TENM1: variants seen among roughly 807,000 people sequenced by gnomAD.
TENM1 encodes teneurin transmembrane protein 1.
TENM1 carries 35 observed loss-of-function variants against 174.8 expected under a neutral mutation model. The observed-to-expected ratio is 0.20, with a 90% CI of 0.15 to 0.27. The LOEUF is 0.27. Ranked by LOEUF, TENM1 falls within the 10% of genes least tolerant of loss-of-function variation. The pLI is 1.00. For missense variants in TENM1, 1,633 were observed against 2,130.1 expected (o/e 0.77, Z 4.59); for synonymous variants, 781 against 798.7 (o/e 0.98, Z 0.37).
At chrX:124,853,137 A>C (rs10127025) in intron 3 of TENM1, among the ~76,000 whole-genome samples, 4,830 of 111,800 alleles carry the variant, frequency 0.043, 244 homozygotes, top group African/African-American at 0.15. Context: ...AAGGCAGATA[A>C]TTAATAAGAA....
At chrX:125,055,282 C>T in the TENM1 span, among the ~76,000 whole-genome samples, 1 of 111,427 alleles carries the variant, frequency 9.0e-6, no homozygotes, top group Non-Finnish European at 1.9e-5. Flanking sequence ...ACTTGCACCA[C>T]GTCTTGCGGC....
At position 124,481,888 on chromosome X, in the gene TENM1, G is replaced by A. The variant is rs1302910425; in HGVS notation, c.3793C>T (p.Arg1265Cys). 3 of 1,206,339 alleles carry A rather than the reference G, an allele frequency of 2.5e-6. No individual in the cohort carries two copies. The highest frequency in any genetic ancestry group is 3.0e-5 in the East Asian group (1 of 33,740). Residue 1265 changes from arginine to cysteine, a missense_variant, in exon 22 of 32, where the codon CGC becomes TGC. By Grantham distance (180) the Arg-to-Cys change is radical (BLOSUM62 -3). Around this residue, in one of 4 missense-constraint regions of TENM1, gnomAD observed 72 missense variants for 59.4 expected, o/e 1.21. Transcript: ENST00000422452. ...AGAGATTTCAACTTGTAGACTTTGC[G>A]AGTATTGGTGTCTGATAGATAGAGT...
intron 6 of TENM1, among the ~76,000 whole-genome samples, chrX:124,662,228 G>A (rs1327386331): frequency 1.8e-5 from 2 of 110,327 alleles, no homozygotes; most frequent in Admixed American, 1.9e-4. Flanking sequence ...GCTGAGACGG[G>A]CGGATCACAA....
At chrX:124,720,442 T>TGAGTTGACCCACCCC (rs2053284960) in intron 4 of TENM1, among the ~76,000 whole-genome samples, 1 of 111,676 alleles carries the variant, frequency 9.0e-6, no homozygotes, top group Non-Finnish European at 1.9e-5. Flanking sequence ...CTCCCCACCT[T>TGAGTTGACCCACCCC]GAGTTGTCCC....
intron 3 of TENM1, among the ~76,000 whole-genome samples, chrX:124,799,023 G>T (rs898007693): frequency 1.8e-5 from 2 of 110,568 alleles, no homozygotes; most frequent in Non-Finnish European, 3.8e-5. Context: ...TATTTCTCAG[G>T]TCTCTGTTCT....
At chrX:124,630,925 T>C (rs1189002624) in intron 11 of TENM1, among the ~76,000 whole-genome samples, 1 of 112,066 alleles carries the variant, frequency 8.9e-6, no homozygotes, top group African/African-American at 3.2e-5. Flanking sequence ...GCCTAAAGAA[T>C]TGCAACATGA....
intron 1 of TENM1, among the ~76,000 whole-genome samples, chrX:124,929,156 G>A (rs1478811546): frequency 9.0e-6 from 1 of 111,418 alleles, no homozygotes; most frequent in East Asian, 2.8e-4. Context: ...GTTATAGGAT[G>A]AGTTCCAATT....
At chrX:125,178,526 A>G in the TENM1 span, among the ~76,000 whole-genome samples, 1 of 110,380 alleles carries the variant, frequency 9.1e-6, no homozygotes, top group African/African-American at 3.3e-5. Context: ...TCTGACCATT[A>G]CTGAAATAAG....
intron 3 of TENM1, among the ~76,000 whole-genome samples, chrX:124,868,727 C>T (rs1003536252): frequency 9.9e-5 from 11 of 111,100 alleles, no homozygotes; most frequent in Non-Finnish European, 5.7e-5. Flanking sequence ...CTGCAAACTA[C>T]TAATCTCCCA....
intron 19 of TENM1, among the ~76,000 whole-genome samples, chrX:124,502,660 T>A (rs2047359281): frequency 1.8e-5 from 2 of 110,930 alleles, no homozygotes; most frequent in African/African-American, 6.5e-5. Context: ...TCTTTGCTCT[T>A]AAAAAAAAAT....
intron 1 of TENM1, among the ~76,000 whole-genome samples, chrX:124,942,225 G>A (rs960788705): frequency 9.0e-6 from 1 of 111,454 alleles, no homozygotes; most frequent in Admixed American, 9.6e-5. Flanking sequence ...CTCCCTTTTA[G>A]AAAATTTGGA....
At chrX:125,076,635 G>A in the TENM1 span, among the ~76,000 whole-genome samples, 1 of 111,104 alleles carries the variant, frequency 9.0e-6, no homozygotes, top group African/African-American at 3.3e-5. Flanking sequence ...GGCAGTGTTT[G>A]GATTAGAATA....
intron 11 of TENM1, among the ~76,000 whole-genome samples, chrX:124,587,957 T>C (rs752120296): frequency 0.014 from 1,578 of 112,048 alleles, 30 homozygotes; most frequent in African/African-American, 0.048. Context: ...CATCACTGGC[T>C]ATCAGAGAAA....
chrX:124,423,280 G>A (rs1055960545), intron 23 of TENM1, among the ~76,000 whole-genome samples: 1 of 112,102 alleles, frequency 8.9e-6, no homozygotes, highest in Non-Finnish European at 1.9e-5. Context: ...GAATCCTGGG[G>A]TGTAGCACAC....
chrX:125,060,951 G>C, the TENM1 span, among the ~76,000 whole-genome samples: 51 of 109,769 alleles, frequency 4.6e-4, 1 homozygote, highest in Non-Finnish European at 1.3e-4. Context: ...GAGTCGACCT[G>C]TTTATCCTCC....
intron 6 of TENM1, among the ~76,000 whole-genome samples, chrX:124,663,762 T>TC (rs2051671406): frequency 9.1e-6 from 1 of 109,992 alleles, no homozygotes; most frequent in East Asian, 2.8e-4. Flanking sequence ...TTTTTTTTTT[T>TC]TTTTTTAAGT....
At chrX:124,549,648 T>G (rs922051806) in intron 14 of TENM1, among the ~76,000 whole-genome samples, 3 of 110,857 alleles carry the variant, frequency 2.7e-5, no homozygotes, top group Non-Finnish European at 5.7e-5. Context: ...TTGCCTATTA[T>G]GTAGGGCTGA....
rs200503053 is a variant in TENM1 at position 124,625,732 on chromosome X, G to A, written c.2077+16059C>T. Among the ~76,000 whole-genome samples, 11 of 110,492 alleles carry A rather than the reference G, an allele frequency of 1.0e-4. No individual in the cohort carries two copies. In the East Asian group the frequency reaches 2.0e-3, roughly 20 times the overall value. On this transcript the variant is annotated intron_variant, in intron 11 of 31. Transcript: ENST00000422452. ...GAGCAAGAGAGAGGGAGGGGAGAAA[G>A]GCTGCACACTTTTAAACAAGCAGAT...
chrX:125,149,086 A>C, the TENM1 span, among the ~76,000 whole-genome samples: 1 of 38,710 alleles, frequency 2.6e-5, no homozygotes, highest in Non-Finnish European at 4.6e-5. Context: ...CTATCTTTCT[A>C]GTATCATATA....
Sources: gnomAD v4.1 joint callset for allele counts (sites outside exome capture counted in the v4.1 genomes callset) on GRCh38, gnomAD v4.1.1 for gene constraint, gnomAD v4.1.1 regional missense constraint, MANE v1.5 for transcripts, NCBI Gene and HGNC (gene_info 2026-07-23, HGNC 2026-07-21) for gene names.